The following HIP1 variants were observed in gnomAD, a reference collection of about 807,000 sequenced individuals.
The protein encoded by HIP1 is huntingtin interacting protein 1, also known as huntingtin-interacting protein 1.
HIP1 carries 65 observed loss-of-function variants against 147.6 expected under a neutral mutation model. The observed-to-expected ratio is 0.44, with a 90% CI of 0.36 to 0.54. The LOEUF (loss-of-function observed/expected upper bound fraction) is 0.54, where lower values mean the gene tolerates loss of function less well. Ranked by LOEUF, HIP1 falls within the 20% of genes least tolerant of loss-of-function variation. The pLI, the probability that HIP1 is intolerant of heterozygous loss-of-function variation, is 0.00. For synonymous variants in HIP1, 479 were observed against 504.0 expected, an observed-to-expected ratio of 0.95 and a Z score of 0.67; for missense variants, 1,061 against 1,299.6, an observed-to-expected ratio of 0.82 and a Z score of 2.82.
Position 75,693,035 on chromosome 7 carries a change from C to T in HIP1, c.120+45766G>A, listed in dbSNP as rs1274553928. On this transcript the variant is annotated intron_variant, in intron 1 of 30. Coordinates refer to ENST00000336926, the MANE Select transcript of HIP1 (RefSeq NM_005338.7). Reference sequence around the variant, plus strand: ...CAAAAACTAGCCAGGCGTGGTGCTACGCGCCTGTAATCCCAGCTACTCAGG... The same window carrying T: ...CAAAAACTAGCCAGGCGTGGTGCTATGCGCCTGTAATCCCAGCTACTCAGG... 2.6e-5 allele frequency among the ~76,000 whole-genome samples: 4 copies of T among 151,668 alleles called. No homozygotes were observed. The East Asian group carries it at 5.9e-4, about 22-fold the overall frequency.
chr7:75,682,523 G>A (rs1198459882), intron 1 of HIP1, among the ~76,000 whole-genome samples: 1 of 151,392 alleles, frequency 6.6e-6, no homozygotes, highest in Non-Finnish European at 1.5e-5. Context: ...GCCTCCCAAA[G>A]TGCTGAGATG....
At chr7:75,639,138 G>T in intron 1 of HIP1, 1 of 984,050 alleles carries the variant, frequency 1.0e-6, no homozygotes. Context: ...CCGGCTAATC[G>T]CGCCCCGAGG....
chr7:75,666,697 T>C (rs1438186264), intron 1 of HIP1, among the ~76,000 whole-genome samples: 1 of 152,150 alleles, frequency 6.6e-6, no homozygotes, highest in Non-Finnish European at 1.5e-5. Flanking sequence ...GCAAGGACGC[T>C]GCTTGTCCAA....
intron 1 of HIP1, among the ~76,000 whole-genome samples, chr7:75,709,962 C>T (rs1475701189): frequency 6.6e-6 from 1 of 152,156 alleles, no homozygotes; most frequent in African/African-American, 2.4e-5. Flanking sequence ...CCCTCAACCT[C>T]CTGGGCTCAA....
chr7:75,586,646 C>G (rs1796295989), intron 5 of HIP1, 107 bp downstream of exon 5: 2 of 739,740 alleles, frequency 2.7e-6, no homozygotes, highest in Non-Finnish European at 4.9e-6. Context: ...CCTCAGAAGC[C>G]TGGGCTGTCT....
intron 1 of HIP1, among the ~76,000 whole-genome samples, chr7:75,726,563 C>T (rs1177112374): frequency 2.6e-5 from 4 of 152,136 alleles, no homozygotes; most frequent in Non-Finnish European, 4.4e-5. Flanking sequence ...GGATTACAGG[C>T]ATGAGCCACC....
chr7:75,640,927 C>G (rs1798631356), intron 1 of HIP1, among the ~76,000 whole-genome samples: 1 of 152,042 alleles, frequency 6.6e-6, no homozygotes, highest in African/African-American at 2.4e-5. Flanking sequence ...CCTATCACAG[C>G]CCCTTCCTGT....
Position 75,559,758 on chromosome 7 carries a change from G to A in HIP1, c.1349C>T (p.Ala450Val). ...LRRQREDTEK[A>V]QRSLSEIERK... ...TTCTATCTCAGACAGGCTCCGCTGA[G>A]CCTTCTCGGTGTCCTCCCGCTGCCT... The change falls in exon 14 of 31, where the codon GCT becomes GTT. Residue 450 changes from alanine to valine, a missense_variant. Physicochemically the swap from Ala to Val is moderately conservative, Grantham distance 64 (BLOSUM62 0). Around this residue, in one of 3 missense-constraint regions of HIP1, gnomAD observed 810 missense variants for 946.8 expected, o/e 0.86. Transcript: ENST00000336926. 1 of 1,595,848 alleles carries A rather than the reference G, an allele frequency of 6.3e-7. No individual in the cohort carries two copies. Among genetic ancestry groups the A allele is most frequent in the Non-Finnish European group, 8.5e-7 (1 of 1,173,170 alleles).
At position 75,592,508 on chromosome 7, in the gene HIP1, A is replaced by G. The variant is rs1584848799; in HGVS notation, c.191T>C (p.Ile64Thr). ...CCCTTTCTCATGGTGGGTGCCCAGT[A>G]TGCACGGTGAGGGGGGGTTATGGAA... is the stretch of plus-strand genomic sequence containing the variant. Reference protein sequence around the residue: ...AVKEKHARTCILGTHHEKGAQ... With the variant: ...AVKEKHARTCTLGTHHEKGAQ... Residue 64 changes from isoleucine (I) to threonine (T), a missense_variant, in exon 3 of 31, where the codon ATA (isoleucine) becomes ACA (threonine). By Grantham distance (89) the Ile-to-Thr change is moderately conservative (BLOSUM62 -1). This residue lies in a region of HIP1 where 225 missense variants were observed against 292.9 expected (regional missense o/e 0.77). Transcript: ENST00000336926. 6.2e-7 allele frequency: 1 copy of G among 1,610,422 alleles called. No individual in the cohort carries two copies. The highest frequency in any genetic ancestry group is 8.5e-7 in the Non-Finnish European group (1 of 1,179,246).
intron 1 of HIP1, among the ~76,000 whole-genome samples, chr7:75,677,827 AAAACAAAC>A (rs367968819): frequency 6.6e-6 from 1 of 151,838 alleles, no homozygotes; most frequent in African/African-American, 2.4e-5. Context: ...CCTCTGCCTG[AAAACAAAC>A]AAACAAACAA....
chr7:75,650,509 A>G (rs1188813823), intron 1 of HIP1, among the ~76,000 whole-genome samples: 1 of 144,820 alleles, frequency 6.9e-6, no homozygotes, highest in African/African-American at 2.6e-5. Context: ...CTGGAGTGCA[A>G]TGGTGCGATC....
chr7:75,547,777 C>T lies in HIP1; in HGVS notation c.2443G>A (p.Val815Ile). 2 of 1,614,006 alleles carry T rather than the reference C, an allele frequency of 1.2e-6. No individual in the cohort carries two copies. Among genetic ancestry groups the T allele is most frequent in the South Asian group, 1.1e-5 (1 of 91,080 alleles). Reference protein sequence around the residue: ...LSKSRAGDTGVKLEVNERILG... With the variant: ...LSKSRAGDTGIKLEVNERILG... The stretch of plus-strand genomic sequence containing the variant: ...GACCTTTCATTCACCTCCAATTTGA[C>T]TCCTGTGTCTCCTGCTCGGGATTTG... Residue 815 changes from valine to isoleucine, a missense_variant, in exon 24 of 31, where the codon GTC becomes ATC. Transcript: ENST00000336926.
chr7:75,546,704 C>A (rs1267055632), intron 25 of HIP1, among the ~76,000 whole-genome samples: 1 of 152,172 alleles, frequency 6.6e-6, no homozygotes, highest in African/African-American at 2.4e-5. Context: ...ACAGCAAGTT[C>A]CAACAATGTC....
chr7:75,599,021 G>A (rs10269208), intron 2 of HIP1, among the ~76,000 whole-genome samples, 163 bp downstream of exon 2: 49 of 152,334 alleles, frequency 3.2e-4, no homozygotes, highest in African/African-American at 1.1e-3. Flanking sequence ...GGTCTCTGCA[G>A]CCAGCCCTCT....
intron 1 of HIP1, among the ~76,000 whole-genome samples, chr7:75,676,350 C>T (rs1346912222): frequency 1.3e-5 from 2 of 152,174 alleles, no homozygotes; most frequent in Admixed American, 6.5e-5. Flanking sequence ...TCAGCTTTCA[C>T]GTTCTGCTCG....
intron 8 of HIP1, among the ~76,000 whole-genome samples, chr7:75,571,557 G>C (rs1795633616): frequency 6.6e-6 from 1 of 152,094 alleles, no homozygotes; most frequent in Admixed American, 6.6e-5. Context: ...CAGTTACAGA[G>C]TATACTGTCT....
At chr7:75,663,848 A>G (rs1799391997) in intron 1 of HIP1, among the ~76,000 whole-genome samples, 1 of 150,932 alleles carries the variant, frequency 6.6e-6, no homozygotes, top group African/African-American at 2.4e-5. Context: ...CGGTCCTGCT[A>G]AGGCAAGATT....
At chr7:75,593,680 G>A (rs1426314619) in intron 2 of HIP1, among the ~76,000 whole-genome samples, 1 of 150,056 alleles carries the variant, frequency 6.7e-6, no homozygotes, top group Non-Finnish European at 1.5e-5. Context: ...CCTCATCAAG[G>A]ACCTTGGTCC....
At position 75,556,750 on chromosome 7, in the gene HIP1, TC is replaced by T; in HGVS notation, c.1642del (p.Glu548SerfsTer26). ...LKQELATSQR[E>X]LQVLQGSLET... ...CAGGCTGCCTTGCAGAACCTGAAGC[TC>T]CCGTTGGCTTGTGGCAAGTTCCTGC... On this transcript the variant is annotated frameshift_variant, in exon 17 of 31. Coordinates refer to ENST00000336926, the MANE Select transcript of HIP1 (RefSeq NM_005338.7). LOFTEE classifies it high-confidence loss of function. 1 of 1,613,530 alleles carries T rather than the reference TC, an allele frequency of 6.2e-7. No individual in the cohort carries two copies. Among genetic ancestry groups the T allele is most frequent in the Non-Finnish European group, 8.5e-7 (1 of 1,179,644 alleles).
Sources: gnomAD v4.1 joint callset for allele counts (sites outside exome capture counted in the v4.1 genomes callset) on GRCh38, gnomAD v4.1.1 for gene constraint, gnomAD v4.1.1 regional missense constraint, MANE v1.5 for transcripts, NCBI Gene and HGNC (gene_info 2026-07-23, HGNC 2026-07-21) for gene names.